The following TUSC3 variants were observed in gnomAD, a reference collection of about 807,000 sequenced individuals.
TUSC3 encodes dolichyl-diphosphooligosaccharide--protein glycosyltransferase subunit TUSC3.
TUSC3 carries 45 observed loss-of-function variants against 44.8 expected under a neutral mutation model. That is an observed-to-expected ratio of 1.00 (90% CI 0.79 to 1.29). The LOEUF (loss-of-function observed/expected upper bound fraction) is 1.29. Among genes scored for constraint, TUSC3 ranks in the 50% most tolerant of loss-of-function variants. The pLI is 0.00. For missense variants in TUSC3, 519 were observed against 437.9 expected, an observed-to-expected ratio of 1.19 and a Z score of -1.65; for synonymous variants, 212 against 152.9, an observed-to-expected ratio of 1.39 and a Z score of -2.85.
upstream of TUSC3, among the ~76,000 whole-genome samples, chr8:15,538,753 C>G (rs915843293): frequency 2.0e-5 from 3 of 151,998 alleles, no homozygotes; most frequent in African/African-American, 7.2e-5. Flanking sequence ...AACTTTGTTT[C>G]CTACAGAAAT....
chr8:15,437,778 T>G (rs1299632240), intron 1 of TUSC3, among the ~76,000 whole-genome samples: 1 of 152,178 alleles, frequency 6.6e-6, no homozygotes, highest in Non-Finnish European at 1.5e-5. Flanking sequence ...GATCTATACC[T>G]CGAGTTTCAG....
chr8:15,528,421 ATTGAAAGGAAGCC>A (rs1438618404), intron 2 of TUSC3, among the ~76,000 whole-genome samples: 1 of 152,236 alleles, frequency 6.6e-6, no homozygotes, highest in African/African-American at 2.4e-5. Flanking sequence ...AAAGAGAATA[ATTGAAAGGAAGCC>A]AAGTAAGTTG....
At chr8:15,631,708 GTT>G (rs1288654661) in intron 2 of TUSC3, among the ~76,000 whole-genome samples, 2 of 126,202 alleles carry the variant, frequency 1.6e-5, no homozygotes, top group African/African-American at 3.0e-5. Context: ...GTGTGTGTGT[GTT>G]TTGTTTTGTT....
At chr8:15,664,240 G>A (rs767266073) in intron 5 of TUSC3, among the ~76,000 whole-genome samples, 9 of 151,584 alleles carry the variant, frequency 5.9e-5, no homozygotes, top group Admixed American at 2.6e-4. Flanking sequence ...TGATCTGATT[G>A]CAAGTTCTGT....
intron 1 of TUSC3, among the ~76,000 whole-genome samples, chr8:15,424,304 G>C (rs1324515626): frequency 6.6e-6 from 1 of 151,926 alleles, no homozygotes; most frequent in Non-Finnish European, 1.5e-5. Flanking sequence ...TCTCAGGAGT[G>C]TATCACCGCC....
At chr8:15,586,426 A>G (rs1803605407) in intron 1 of TUSC3, among the ~76,000 whole-genome samples, 1 of 152,168 alleles carries the variant, frequency 6.6e-6, no homozygotes, top group African/African-American at 2.4e-5. Flanking sequence ...TTTATAGGAA[A>G]ACAGCAGAAG....
chr8:15,810,395 T>C, the TUSC3 span, among the ~76,000 whole-genome samples: 1 of 152,140 alleles, frequency 6.6e-6, no homozygotes, highest in Non-Finnish European at 1.5e-5. Context: ...CTCTGCACTT[T>C]GGGAAGCTAA....
intron 1 of TUSC3, among the ~76,000 whole-genome samples, chr8:15,463,464 C>G (rs1800373875): frequency 1.3e-5 from 2 of 151,946 alleles, no homozygotes; most frequent in South Asian, 2.1e-4. Context: ...ATAATTGGAC[C>G]TAATAAACTC....
chr8:15,798,641 TG>T, the TUSC3 span, among the ~76,000 whole-genome samples: 5 of 52,440 alleles, frequency 9.5e-5, no homozygotes, highest in Non-Finnish European at 1.5e-4. Flanking sequence ...AGTACTCTCC[TG>T]GGTGTGTGGG....
chr8:15,662,125 C>G lies in TUSC3; in HGVS notation c.568-31C>G, dbSNP rs746944891. The G allele has an allele frequency of 2.5e-6, 4 of 1,611,172 alleles. No homozygotes were observed. In the African/African-American group the frequency reaches 5.4e-5, roughly 22 times the overall value. On this transcript the variant is annotated intron_variant, in intron 4 of 10. Transcript: ENST00000503731. ...CAAAAGAAAAATTTTATTTTTCTTT[C>G]ATTTTTGAAATTTCTATTGCATTTT...
At chr8:15,668,977 A>G (rs1027992608) in intron 5 of TUSC3, among the ~76,000 whole-genome samples, 2 of 151,762 alleles carry the variant, frequency 1.3e-5, no homozygotes, top group Non-Finnish European at 2.9e-5. Context: ...TAAAAAGCAG[A>G]GTAGAGTATT....
chr8:15,715,634 C>G (rs923520096), intron 6 of TUSC3, among the ~76,000 whole-genome samples: 1 of 151,876 alleles, frequency 6.6e-6, no homozygotes, highest in Non-Finnish European at 1.5e-5. Flanking sequence ...CAGCAGGTAA[C>G]CGATACCACA....
the TUSC3 span, among the ~76,000 whole-genome samples, chr8:15,809,028 A>G: frequency 6.6e-6 from 1 of 152,186 alleles, no homozygotes; most frequent in Non-Finnish European, 1.5e-5. Flanking sequence ...CAAACTCAAG[A>G]GACAAGGGTT....
the TUSC3 span, among the ~76,000 whole-genome samples, chr8:15,787,531 A>G: frequency 2.0e-5 from 3 of 152,174 alleles, no homozygotes; most frequent in Non-Finnish European, 4.4e-5. Context: ...TATGATGTCA[A>G]TGAAAACCTT....
chr8:15,488,876 T>G (rs979566478), intron 2 of TUSC3, among the ~76,000 whole-genome samples: 2 of 152,168 alleles, frequency 1.3e-5, no homozygotes, highest in African/African-American at 4.8e-5. Flanking sequence ...GTATTTGTTA[T>G]AGCATCCCAA....
chr8:15,765,010 T>C lies in TUSC3; in HGVS notation c.*854T>C, dbSNP rs352810. On this transcript the variant is annotated 3_prime_UTR_variant, in exon 11 of 11. Transcript: ENST00000503731. The stretch of plus-strand genomic sequence containing the variant: ...CCAGCTTTCCATCAAATCCTCAATC[T>C]TTGAATCCAGGTAAAAGGTTAATTA... 116,040 of 151,866 alleles carry C rather than the reference T, an allele frequency of 0.76. 44,525 individuals carry two copies. The highest frequency in any genetic ancestry group is 0.82 in the African/African-American group (33,810 of 41,470). 9.4% of individuals were successfully genotyped at this position (151,866 alleles called of 1,614,324 possible).
intron 9 of TUSC3, among the ~76,000 whole-genome samples, chr8:15,749,304 A>G (rs569742762): frequency 6.6e-6 from 1 of 152,148 alleles, no homozygotes; most frequent in African/African-American, 2.4e-5. Flanking sequence ...ACCTGTGAGC[A>G]GTGGACATTT....
chr8:15,775,748 C>CTATA, the TUSC3 span, among the ~76,000 whole-genome samples: 1,402 of 138,832 alleles, frequency 0.01, 14 homozygotes, highest in African/African-American at 0.03. Flanking sequence ...ATATATTACA[C>CTATA]TATATATATA....
chr8:15,417,496 A>T (rs1303218924), intron 1 of TUSC3, among the ~76,000 whole-genome samples: 1 of 152,206 alleles, frequency 6.6e-6, no homozygotes, highest in Non-Finnish European at 1.5e-5. Flanking sequence ...TGGAGCATAG[A>T]CTTGGATCCT....
Sources: allele counts gnomAD v4.1 joint callset (sites outside exome capture counted in the v4.1 genomes callset), GRCh38; gene constraint gnomAD v4.1.1; transcripts MANE v1.5; gene names NCBI Gene and HGNC (gene_info 2026-07-23, HGNC 2026-07-21).